Variants in CHRM5 observed in about 807,000 individuals in gnomAD.
CHRM5 encodes the protein muscarinic acetylcholine receptor M5.
CHRM5 carries 18 observed loss-of-function variants against 39.0 expected under a neutral mutation model. The ratio of observed to expected loss-of-function variants is 0.46; its 90% CI spans 0.32 to 0.68. The LOEUF (loss-of-function observed/expected upper bound fraction) is 0.68. Among genes scored for constraint, CHRM5 ranks in the 30% least tolerant of loss-of-function variants. The pLI is 0.04. For synonymous variants in CHRM5, 241 were observed against 246.3 expected (o/e 0.98, Z 0.20); for missense variants, 515 against 651.1 (o/e 0.79, Z 2.28).
At position 34,015,399 on chromosome 15, in the gene CHRM5, G is replaced by A. The variant is rs150087154; in HGVS notation, c.-407-31141G>A. Among the ~76,000 whole-genome samples, 235 of 151,998 alleles carry A rather than the reference G, an allele frequency of 1.5e-3. 1 individual carries two copies. The highest frequency in any genetic ancestry group is 5.4e-3 in the African/African-American group (225 of 41,448). On this transcript the variant is annotated intron_variant, in intron 1 of 2. Transcript: ENST00000383263. Reference sequence around the variant, plus strand: ...CGGGAGGCTGAGGCAGGAGAATAGCGTGAACCCGGGAGGCGGAGCTTGCAG... The same window carrying A: ...CGGGAGGCTGAGGCAGGAGAATAGCATGAACCCGGGAGGCGGAGCTTGCAG...
intron 1 of CHRM5, among the ~76,000 whole-genome samples, chr15:33,977,185 A>C (rs1214930147): frequency 6.6e-6 from 1 of 152,142 alleles, no homozygotes; most frequent in Non-Finnish European, 1.5e-5. Context: ...AAAAACACAA[A>C]ATATACATTT....
chr15:34,033,008 T>A (rs577301364), intron 1 of CHRM5, among the ~76,000 whole-genome samples: 1 of 152,304 alleles, frequency 6.6e-6, no homozygotes, highest in East Asian at 1.9e-4. Context: ...CTGAGTGACA[T>A]TGATATGGCA....
intron 1 of CHRM5, among the ~76,000 whole-genome samples, chr15:34,035,369 T>A (rs1192398468): frequency 1.3e-5 from 2 of 152,168 alleles, no homozygotes; most frequent in African/African-American, 4.8e-5. Context: ...ATAACCATAC[T>A]AACATATCAG....
At chr15:34,030,687 T>C (rs1179229114) in intron 1 of CHRM5, among the ~76,000 whole-genome samples, 1 of 151,990 alleles carries the variant, frequency 6.6e-6, no homozygotes, top group Non-Finnish European at 1.5e-5. Context: ...GGAGTGATCA[T>C]AGCTCACTGC....
intron 1 of CHRM5, among the ~76,000 whole-genome samples, chr15:34,002,097 A>G (rs932686704): frequency 6.6e-6 from 1 of 152,150 alleles, no homozygotes; most frequent in Non-Finnish European, 1.5e-5. Flanking sequence ...ATTTTGCAAA[A>G]CCATAATATA....
At chr15:33,983,160 ATGTGTGTG>A (rs1491327104) in intron 1 of CHRM5, among the ~76,000 whole-genome samples, 2 of 64,534 alleles carry the variant, frequency 3.1e-5, no homozygotes, top group African/African-American at 1.7e-4. Flanking sequence ...GTGTGTGTGT[ATGTGTGTG>A]TGTATATATA....
intron 1 of CHRM5, among the ~76,000 whole-genome samples, chr15:33,989,230 G>A (rs2140560886): frequency 6.6e-6 from 1 of 152,116 alleles, no homozygotes; most frequent in South Asian, 2.1e-4. Flanking sequence ...TTAGTACCAT[G>A]CTTGGATATT....
chr15:34,019,176 T>C (rs1052596632), intron 1 of CHRM5, among the ~76,000 whole-genome samples: 3 of 152,238 alleles, frequency 2.0e-5, no homozygotes, highest in Non-Finnish European at 2.9e-5. Flanking sequence ...TCCAGCTGGC[T>C]TCACCGCTTA....
At chr15:34,048,113 C>A (rs1899785461) in intron 2 of CHRM5, among the ~76,000 whole-genome samples, 1 of 152,140 alleles carries the variant, frequency 6.6e-6, no homozygotes, top group Non-Finnish European at 1.5e-5. Context: ...TGAACTCAAG[C>A]AATCCACTTG....
chr15:34,063,011 C>T lies in CHRM5; in HGVS notation c.294C>T (p.Leu98=), dbSNP rs368054329. Residue 98 remains leucine, a synonymous_variant, in exon 3 of 3, where the codon CTC becomes CTT. Transcript: ENST00000383263. This position sits in a 1 kb window ranked among gnomAD's most constrained non-coding sequence, Gnocchi z 4.1. ...TTYILMGRWA[L]GSLACDLWLA... The stretch of plus-strand genomic sequence containing the variant: ...ACATCCTCATGGGACGCTGGGCTCT[C>T]GGGAGTCTGGCTTGTGACCTTTGGC... 76 of 1,614,212 alleles carry T rather than the reference C, an allele frequency of 4.7e-5. No individual in the cohort carries two copies. Among genetic ancestry groups the T allele is most frequent in the African/African-American group, 2.4e-4 (18 of 75,068 alleles).
chr15:34,059,609 C>A (rs74007676), intron 2 of CHRM5, among the ~76,000 whole-genome samples: 3,911 of 152,258 alleles, frequency 0.026, 171 homozygotes, highest in African/African-American at 0.088. Flanking sequence ...TTGGCTCCAG[C>A]TACCTTGTTT....
At chr15:33,993,943 T>A (rs183286861) in intron 1 of CHRM5, among the ~76,000 whole-genome samples, 450 of 152,366 alleles carry the variant, frequency 3.0e-3, no homozygotes, top group African/African-American at 0.01. Flanking sequence ...TTCATCCACT[T>A]ATTTAAGTAT....
intron 1 of CHRM5, among the ~76,000 whole-genome samples, chr15:33,985,499 C>A (rs1222011093): frequency 6.8e-6 from 1 of 147,116 alleles, no homozygotes; most frequent in Non-Finnish European, 1.5e-5. Flanking sequence ...TACCTCATCC[C>A]TCAGGGTTGC....
chr15:34,008,089 A>AGAAAAAATCACCTATCACAGGAG (rs1897442337), intron 1 of CHRM5, among the ~76,000 whole-genome samples: 2 of 152,140 alleles, frequency 1.3e-5, no homozygotes, highest in Non-Finnish European at 2.9e-5. Flanking sequence ...AATTCTTGGA[A>AGAAAAAATCACCTATCACAGGAG]GAAAAAATCA....
At chr15:34,004,047 T>C (rs935800357) in intron 1 of CHRM5, among the ~76,000 whole-genome samples, 1 of 152,206 alleles carries the variant, frequency 6.6e-6, no homozygotes, top group East Asian at 1.9e-4. Flanking sequence ...CCAGGCTCAA[T>C]TTCTACAACT....
chr15:34,043,924 C>T (rs928400953), intron 1 of CHRM5, among the ~76,000 whole-genome samples: 2 of 152,084 alleles, frequency 1.3e-5, no homozygotes, highest in Non-Finnish European at 2.9e-5. Context: ...GTCTCTGTCC[C>T]AGTCCAAGGC....
chr15:34,049,888 CT>C (rs61235689), intron 2 of CHRM5, among the ~76,000 whole-genome samples: 2,240 of 137,020 alleles, frequency 0.016, 38 homozygotes, highest in Admixed American at 0.051. Context: ...TCAACATCAA[CT>C]TTTTTTTTTT....
chr15:34,008,483 C>CTTTT (rs200355232), intron 1 of CHRM5, among the ~76,000 whole-genome samples: 4 of 119,236 alleles, frequency 3.4e-5, no homozygotes, highest in African/African-American at 1.3e-4. Flanking sequence ...GATGAAAAAC[C>CTTTT]TTTTTTTTTT....
At chr15:34,018,723 T>C (rs949812973) in intron 1 of CHRM5, among the ~76,000 whole-genome samples, 3 of 152,212 alleles carry the variant, frequency 2.0e-5, no homozygotes, top group South Asian at 2.1e-4. Context: ...TATTCCCTTA[T>C]TTGGCCCTGC....
Sources: gnomAD v4.1 joint callset for allele counts (sites outside exome capture counted in the v4.1 genomes callset) on GRCh38, gnomAD v4.1.1 for gene constraint, Gnocchi (gnomAD v3.1) non-coding constraint, MANE v1.5 for transcripts, NCBI Gene and HGNC (gene_info 2026-07-23, HGNC 2026-07-21) for gene names.